AIG1: variants seen among roughly 807,000 people sequenced by gnomAD.
AIG1 encodes the protein androgen-induced gene 1 protein.
AIG1 carries 23 observed loss-of-function variants against 31.4 expected under a neutral mutation model. The ratio of observed to expected loss-of-function variants is 0.73; its 90% CI spans 0.53 to 1.04. The LOEUF is 1.04. Among genes scored for constraint, AIG1 ranks in the 50% least tolerant of loss-of-function variants. AIG1 has a pLI of 0.00. For synonymous variants in AIG1, 100 were observed against 110.5 expected (o/e 0.90, Z 0.60); for missense variants, 274 against 295.0 (o/e 0.93, Z 0.52).
At chr6:143,143,528 A>AAAAATAT (rs1554249782) in intron 2 of AIG1, among the ~76,000 whole-genome samples, 12 of 27,774 alleles carry the variant, frequency 4.3e-4, no homozygotes, top group African/African-American at 1.2e-3. Flanking sequence ...AAAAAAAAAA[A>AAAAATAT]ATATATATAT....
At chr6:143,205,151 C>T (rs1408614686) in intron 3 of AIG1, among the ~76,000 whole-genome samples, 1 of 152,174 alleles carries the variant, frequency 6.6e-6, no homozygotes, top group East Asian at 1.9e-4. Context: ...AATTGGCTTC[C>T]CTGGAAAATA....
chr6:143,141,178 GAAGAGA>G (rs1784217208), intron 2 of AIG1, among the ~76,000 whole-genome samples: 1 of 152,198 alleles, frequency 6.6e-6, no homozygotes, highest in South Asian at 2.1e-4. Context: ...AAGTTTTCCT[GAAGAGA>G]CCTATTGGCC....
rs17628867 is a variant in AIG1, at chr6:143,105,191, T to A, written c.142-31644T>A. ...GGTAAGACAGATGGTTAATGGAGCATCCCATGCCACAAGAGCCAGATAAAT... is the reference window on the plus strand; with the variant it reads ...GGTAAGACAGATGGTTAATGGAGCAACCCATGCCACAAGAGCCAGATAAAT... On this transcript the variant is annotated intron_variant, in intron 1 of 5. Transcript: ENST00000357847. 2.8e-3 allele frequency among the ~76,000 whole-genome samples: 425 copies of A among 152,152 alleles called. 10 individuals carry two copies. The East Asian group carries it at 0.05, about 18-fold the overall frequency.
intron 3 of AIG1, chr6:143,188,297 G>T (rs1307851163): frequency 1.0e-6 from 1 of 985,836 alleles, no homozygotes; most frequent in African/African-American, 1.7e-5. Context: ...GTTAATTGAT[G>T]TTGACACCAG....
At chr6:143,151,526 T>C (rs1785220782) in intron 2 of AIG1, among the ~76,000 whole-genome samples, 1 of 152,158 alleles carries the variant, frequency 6.6e-6, no homozygotes, top group South Asian at 2.1e-4. Flanking sequence ...CTTCGTCCTC[T>C]CCTAGCCCCA....
chr6:143,296,914 T>C (rs896951104), intron 4 of AIG1, among the ~76,000 whole-genome samples: 3 of 152,184 alleles, frequency 2.0e-5, no homozygotes, highest in African/African-American at 7.2e-5. Context: ...GGTGACAAAG[T>C]TCATTAACTC....
intron 3 of AIG1, among the ~76,000 whole-genome samples, chr6:143,250,808 T>G (rs1794955663): frequency 2.0e-5 from 3 of 152,208 alleles, no homozygotes; most frequent in Non-Finnish European, 4.4e-5. Context: ...TCTTAAAATA[T>G]TATGACGGGT....
At chr6:143,064,817 G>A (rs1326528125) in intron 1 of AIG1, among the ~76,000 whole-genome samples, 1 of 152,216 alleles carries the variant, frequency 6.6e-6, no homozygotes, top group Admixed American at 6.5e-5. Context: ...ACTGTCAAGC[G>A]TGTCTGTGTG....
intron 4 of AIG1, among the ~76,000 whole-genome samples, chr6:143,323,356 TG>T (rs1272633109): frequency 6.6e-6 from 1 of 152,176 alleles, no homozygotes; most frequent in Admixed American, 6.5e-5. Context: ...GCCTGCCCCA[TG>T]TATAGATACC....
rs962579106 is a variant in AIG1 at position 143,330,994 on chromosome 6, A to G, written c.516-2288A>G. On this transcript the variant is annotated intron_variant, in intron 4 of 5. Transcript: ENST00000357847. This position sits in a 1 kb window ranked among gnomAD's most constrained non-coding sequence, Gnocchi z 4.4. ...TTTCTAACAGAATCTTTGGACTAAC[A>G]TGGCCTCTTTTTTTGATACAAATAT... Among the ~76,000 whole-genome samples, 1 of 151,338 alleles carries G rather than the reference A, an allele frequency of 6.6e-6. No individual in the cohort carries two copies. Among genetic ancestry groups the G allele is most frequent in the African/African-American group, 2.5e-5 (1 of 40,640 alleles).
intron 3 of AIG1, among the ~76,000 whole-genome samples, chr6:143,266,653 G>A (rs934402958): frequency 3.9e-5 from 6 of 151,964 alleles, no homozygotes; most frequent in African/African-American, 1.5e-4. Context: ...AAAAAAAATG[G>A]TCAAGAAGGG....
At chr6:143,185,348 C>T (rs1366334968) in intron 3 of AIG1, among the ~76,000 whole-genome samples, 2 of 152,110 alleles carry the variant, frequency 1.3e-5, no homozygotes, top group East Asian at 3.8e-4. Context: ...TCTTAAGGTG[C>T]AGCTTGTCCA....
At chr6:143,136,750 TG>T in intron 1 of AIG1, 84 bp from the exon 2 acceptor site, 2 of 1,185,906 alleles carry the variant, frequency 1.7e-6, no homozygotes, top group Non-Finnish European at 2.2e-6. Flanking sequence ...TTAGATGTCA[TG>T]TTGTACACCA....
upstream of AIG1, among the ~76,000 whole-genome samples, chr6:143,060,013 T>A (rs1776100905): frequency 6.6e-6 from 1 of 152,238 alleles, no homozygotes. Context: ...AGATGATTAG[T>A]ATTAAATTAC....
chr6:143,142,947 A>C (rs1159497055), intron 2 of AIG1, among the ~76,000 whole-genome samples: 1 of 152,226 alleles, frequency 6.6e-6, no homozygotes, highest in Non-Finnish European at 1.5e-5. Flanking sequence ...CATAGTAGCT[A>C]ATTCTAAGCT....
rs972660285 is a variant in AIG1 at position 143,256,455 on chromosome 6, G to A, written c.400-27655G>A. Among the ~76,000 whole-genome samples the A allele has an allele frequency of 6.6e-5, 10 of 152,260 alleles. No individual in the cohort carries two copies. The highest frequency in any genetic ancestry group is 1.4e-4 in the African/African-American group (6 of 41,556). ...ATTATGCTACTGACTTCTTAAACTC[G>A]AACGTTGGCTGTTCATTTGCCATCA... is the stretch of plus-strand genomic sequence containing the variant. On this transcript the variant is annotated intron_variant, in intron 3 of 5. Coordinates refer to ENST00000357847, the MANE Select transcript of AIG1 (RefSeq NM_016108.4). The surrounding 1 kb of genome is among the most constrained non-coding windows in gnomAD (Gnocchi z 4.6).
At chr6:143,311,219 T>C (rs547099122) in intron 4 of AIG1, among the ~76,000 whole-genome samples, 1 of 151,980 alleles carries the variant, frequency 6.6e-6, no homozygotes, top group African/African-American at 2.4e-5. Flanking sequence ...GCAAATCCAA[T>C]TGAACAATGT....
At chr6:143,270,987 A>G (rs1380454028) in intron 3 of AIG1, among the ~76,000 whole-genome samples, 1 of 152,180 alleles carries the variant, frequency 6.6e-6, no homozygotes, top group Non-Finnish European at 1.5e-5. Flanking sequence ...ATATAATGCC[A>G]TTTGCAGGGT....
At chr6:143,277,541 T>A (rs1797028808) in intron 3 of AIG1, among the ~76,000 whole-genome samples, 1 of 152,212 alleles carries the variant, frequency 6.6e-6, no homozygotes, top group Non-Finnish European at 1.5e-5. Context: ...TTATTTATGA[T>A]CCAAAGTTGT....
Sources: gnomAD v4.1 joint callset for allele counts (sites outside exome capture counted in the v4.1 genomes callset) on GRCh38, gnomAD v4.1.1 for gene constraint, Gnocchi (gnomAD v3.1) non-coding constraint, MANE v1.5 for transcripts, NCBI Gene and HGNC (gene_info 2026-07-23, HGNC 2026-07-21) for gene names.